MDM1: variants seen among roughly 807,000 people sequenced by gnomAD.
MDM1 encodes the protein Mdm1 nuclear protein.
A neutral mutation model predicts 89.1 loss-of-function variants in MDM1; 61 were observed. The ratio of observed to expected loss-of-function variants is 0.68; its 90% CI spans 0.56 to 0.85. MDM1 has a LOEUF of 0.85. Ranked by LOEUF, MDM1 falls within the 40% of genes least tolerant of loss-of-function variation. The pLI is 0.00. For synonymous variants in MDM1, 290 were observed against 294.1 expected (o/e 0.99, Z 0.14); for missense variants, 820 against 846.5 (o/e 0.97, Z 0.39).
At chr12:68,325,080 T>C in intron 4 of MDM1, 1 of 951,746 alleles carries the variant, frequency 1.1e-6, no homozygotes, top group Non-Finnish European at 1.3e-6. Flanking sequence ...AAACACGCAA[T>C]ATATTAGTCA....
chr12:68,317,270 T>G (rs922780955), intron 7 of MDM1, among the ~76,000 whole-genome samples: 4 of 152,224 alleles, frequency 2.6e-5, no homozygotes, highest in African/African-American at 9.6e-5. Flanking sequence ...CCAAGTACAA[T>G]TCCACAATGT....
At position 68,315,261 on chromosome 12, in the gene MDM1, G is replaced by T. The variant is rs1266080508; in HGVS notation, c.1216C>A (p.Pro406Thr). The change falls in exon 10 of 15, where the codon CCT becomes ACT. Residue 406 changes from proline to threonine, a missense_variant. Physicochemically the swap from Pro to Thr is conservative, Grantham distance 38 (BLOSUM62 -1). Transcript: ENST00000682720. ...NIRALDLAGD[P>T]TSHKTLQKCP... ...TTCTGCAAAGTCTTATGGCTTGTAG[G>T]ATCTCTGCGTAACAAAATCAATTTT... The T allele has an allele frequency of 6.2e-7, 1 of 1,609,468 alleles. No individual in the cohort carries two copies. Among genetic ancestry groups the T allele is most frequent in the South Asian group, 1.1e-5 (1 of 90,818 alleles).
rs759477000 is a variant in MDM1, at chr12:68,332,188, TC to T, written c.18+39del. 6.0e-6 allele frequency: 9 copies of T among 1,507,472 alleles called. No individual in the cohort carries two copies. In the Admixed American group the frequency reaches 1.3e-4, roughly 22 times the overall value. 93.4% of individuals were successfully genotyped at this position (1,507,472 alleles called of 1,614,324 possible). On this transcript the variant is annotated intron_variant, in intron 1 of 14. Coordinates refer to ENST00000682720, the MANE Select transcript of MDM1 (RefSeq NM_001354969.2). ...CGCTCCACACCTCCCCGGCCATGGC[TC>T]CCCCCAGCCACATTCCGGCCCGGGG...
intron 13 of MDM1, among the ~76,000 whole-genome samples, chr12:68,298,294 A>G (rs1038447562): frequency 1.3e-5 from 2 of 152,160 alleles, no homozygotes; most frequent in African/African-American, 4.8e-5. Context: ...CAAGAAAGCC[A>G]GCACCCTAAG....
chr12:68,326,907 G>A lies in MDM1; in HGVS notation c.248C>T (p.Ser83Leu), dbSNP rs757698696. 2.5e-6 allele frequency: 4 copies of A among 1,613,972 alleles called. No homozygotes were observed. The highest frequency in any genetic ancestry group is 1.3e-5 in the African/African-American group (1 of 74,908). Reference protein sequence around the residue: ...GAISESNVVASPEPEAPETPK... With the variant: ...GAISESNVVALPEPEAPETPK... ...TGTTTCCGGGGCTTCTGGTTCTGGT[G>A]ATGCAACCACATTGCTCTCTGAGAT... is the stretch of plus-strand genomic sequence containing the variant. The change falls in exon 3 of 15, where the codon TCA becomes TTA. Residue 83 changes from serine (S) to leucine (L), a missense_variant. Transcript: ENST00000682720.
intron 1 of MDM1, 89 bp downstream of exon 1, chr12:68,332,139 C>A (rs1876923451): frequency 6.7e-7 from 1 of 1,499,412 alleles, no homozygotes; most frequent in African/African-American, 1.4e-5. Context: ...AGGGCTGCAG[C>A]GCAGAAAAGC....
In MDM1 at chr12:68,300,713, C is replaced by T. The variant is rs570798337; in HGVS notation, c.2002+1907G>A. On this transcript the variant is annotated intron_variant, in intron 13 of 14. Coordinates refer to ENST00000682720, the MANE Select transcript of MDM1 (RefSeq NM_001354969.2). Reference sequence around the variant, plus strand: ...GAAGTAGACAGCGACATAATAATAGCGAGTGACTTCAATACTCCACTGACA... The same window carrying T: ...GAAGTAGACAGCGACATAATAATAGTGAGTGACTTCAATACTCCACTGACA... 1.8e-4 allele frequency among the ~76,000 whole-genome samples: 27 copies of T among 152,170 alleles called. No homozygotes were observed. In the South Asian group the frequency reaches 4.4e-3, roughly 25 times the overall value.
Position 68,295,711 on chromosome 12 carries a change from G to A in MDM1, c.2063-345C>T, listed in dbSNP as rs1199644159. 1.1e-4 allele frequency among the ~76,000 whole-genome samples: 17 copies of A among 152,138 alleles called. No homozygotes were observed. In the East Asian group the frequency reaches 3.3e-3, roughly 29 times the overall value. ...ATACTGTTTTATCCTACTTTAAAAA[G>A]CACAGCTATTCTGAGCAAAAAGCTT... On this transcript the variant is annotated intron_variant, in intron 14 of 14. Coordinates refer to ENST00000682720, the MANE Select transcript of MDM1 (RefSeq NM_001354969.2).
Position 68,295,318 on chromosome 12 carries a change from AG to A in MDM1, c.2110del (p.Leu704SerfsTer25). 6.2e-7 allele frequency: 1 copy of A among 1,613,440 alleles called. No homozygotes were observed. The highest frequency in any genetic ancestry group is 8.5e-7 in the Non-Finnish European group (1 of 1,179,626). On this transcript the variant is annotated frameshift_variant, in exon 15 of 15. Coordinates refer to ENST00000682720, the MANE Select transcript of MDM1 (RefSeq NM_001354969.2). LOFTEE classifies it high-confidence loss of function. The part of the protein sequence containing the change: ...EISARSAASS[L>X]RAFQTLARAK... Reference sequence around the variant, plus strand: ...TCGTGCCAGAGTTTGAAAAGCCCGGAGACTAGAAGCTGCAGAGCGAGCAGAA... The same window carrying A: ...TCGTGCCAGAGTTTGAAAAGCCCGGAACTAGAAGCTGCAGAGCGAGCAGAA...
In MDM1 at chr12:68,315,206, CCT is replaced by C; in HGVS notation, c.1269_1270del (p.Gly424LysfsTer25). The stretch of plus-strand genomic sequence containing the variant: ...CTGGGGCTGTTCTTCCACGATATTT[CCT>C]TTTTCTTCTGGTTCTGTAGAAGGAC... On this transcript the variant is annotated frameshift_variant, in exon 10 of 15. Coordinates refer to ENST00000682720, the MANE Select transcript of MDM1 (RefSeq NM_001354969.2). LOFTEE classifies it high-confidence loss of function. The C allele has an allele frequency of 6.2e-7, 1 of 1,614,208 alleles. No homozygotes were observed. The highest frequency in any genetic ancestry group is 8.5e-7 in the Non-Finnish European group (1 of 1,180,030).
At chr12:68,318,531 T>C (rs889790509) in intron 7 of MDM1, among the ~76,000 whole-genome samples, 1 of 152,190 alleles carries the variant, frequency 6.6e-6, no homozygotes, top group Non-Finnish European at 1.5e-5. Flanking sequence ...TCAGTGCTAA[T>C]ATTATATTTT....
chr12:68,316,841 G>T (rs138539808), intron 7 of MDM1, among the ~76,000 whole-genome samples: 1 of 152,220 alleles, frequency 6.6e-6, no homozygotes, highest in African/African-American at 2.4e-5. Context: ...GATAAATTAG[G>T]CAATCTAACT....
intron 3 of MDM1, 197 bp downstream of exon 3, chr12:68,326,460 C>T: frequency 6.8e-7 from 1 of 1,476,828 alleles, no homozygotes; most frequent in Non-Finnish European, 9.0e-7. Context: ...ACAACTACTA[C>T]AAAATAGCGA....
chr12:68,319,007 T>G (rs1301172627), intron 7 of MDM1, among the ~76,000 whole-genome samples: 1 of 152,196 alleles, frequency 6.6e-6, no homozygotes, highest in Non-Finnish European at 1.5e-5. Context: ...AATGCAGGAC[T>G]TTATCTTGAA....
chr12:68,323,106 G>A lies in MDM1; in HGVS notation c.768C>T (p.Asn256=). Residue 256 remains asparagine (N), a synonymous_variant, in exon 5 of 15, where the codon AAC becomes AAT. Transcript: ENST00000682720. ...EPKLRNDLRE[N]RNLETVSPER... ...CAGGAGACACTGTTTCAAGATTTCT[G>A]TTTTCTCTCAAATCATTTCTTAATT... 1 of 1,607,722 alleles carries A rather than the reference G, an allele frequency of 6.2e-7. No homozygotes were observed.
At chr12:68,306,321 A>G (rs939987490) in intron 12 of MDM1, among the ~76,000 whole-genome samples, 1 of 152,214 alleles carries the variant, frequency 6.6e-6, no homozygotes, top group Non-Finnish European at 1.5e-5. Context: ...ATCCTAGAAG[A>G]AACCCTAGAA....
chr12:68,321,354 G>C lies in MDM1; in HGVS notation c.998C>G (p.Pro333Arg), dbSNP rs141277947. ...GAGGTCATGTACACTCACCTGATTTGGCATGTTTCCCTTTACATGTGTCCA... is the reference window on the plus strand; with the variant it reads ...GAGGTCATGTACACTCACCTGATTTCGCATGTTTCCCTTTACATGTGTCCA... The part of the protein sequence containing the change: ...GAWTHVKGNM[P>R]NQGSLNAMWY... Residue 333 changes from proline to arginine, a missense_variant, in exon 7 of 15, where the codon CCA becomes CGA. Pro to Arg is a moderately radical substitution (Grantham distance 103). Coordinates refer to ENST00000682720, the MANE Select transcript of MDM1 (RefSeq NM_001354969.2). The C allele has an allele frequency of 1.9e-5, 31 of 1,612,606 alleles. No homozygotes were observed. In the African/African-American group the frequency reaches 4.0e-4, roughly 21 times the overall value.
intron 4 of MDM1, 106 bp from the exon 5 acceptor site, chr12:68,323,346 A>G (rs565965161): frequency 4.0e-5 from 30 of 751,838 alleles, no homozygotes; most frequent in East Asian, 2.0e-4. Flanking sequence ...ACAAAAAAAT[A>G]GCAAAGTTAT....
chr12:68,327,033 G>A lies in MDM1; in HGVS notation c.134-12C>T, dbSNP rs774393101. 4.3e-5 allele frequency: 67 copies of A among 1,553,722 alleles called. No individual in the cohort carries two copies. The highest frequency in any genetic ancestry group is 8.3e-5 in the African/African-American group (6 of 72,256). ...CTCTTTCGTGATGCCTACAAAACAC[G>A]GTATACAAAAATAGTAGCTACTAAA... On this transcript the variant is annotated splice_polypyrimidine_tract_variant and intron_variant, in intron 2 of 14. Transcript: ENST00000682720.
Sources: allele counts gnomAD v4.1 joint callset (sites outside exome capture counted in the v4.1 genomes callset), GRCh38; gene constraint gnomAD v4.1.1; transcripts MANE v1.5; gene names NCBI Gene and HGNC (gene_info 2026-07-23, HGNC 2026-07-21).